Variants in BNIP3L observed in about 807,000 individuals in gnomAD.
BNIP3L encodes the protein BCL2 interacting protein 3 like.
In BNIP3L, 10 loss-of-function variants were observed where a neutral mutation model predicts 25.5. That is an observed-to-expected ratio of 0.39 (90% confidence interval 0.24 to 0.67). BNIP3L has a LOEUF of 0.67. Among genes scored for constraint, BNIP3L ranks in the 30% least tolerant of loss-of-function variants. The pLI is 0.45. For synonymous variants in BNIP3L, 113 were observed against 101.2 expected (o/e 1.12, Z -0.70); for missense variants, 215 against 270.9 (o/e 0.79, Z 1.45).
intron 2 of BNIP3L, among the ~76,000 whole-genome samples, chr8:26,392,121 T>TATGTGTGTGGAA (rs1216676905): frequency 6.6e-6 from 1 of 152,004 alleles, no homozygotes; most frequent in African/African-American, 2.4e-5. Context: ...TACAACGAGA[T>TATGTGTGTGGAA]ATGTGTGTGG....
Position 26,412,932 on chromosome 8 carries a change from G to A in BNIP3L, c.*2520G>A, listed in dbSNP as rs1433804001. The A allele has an allele frequency of 6.6e-6, 1 of 152,624 alleles. No individual in the cohort carries two copies. Among genetic ancestry groups the A allele is most frequent in the Non-Finnish European group, 1.5e-5 (1 of 68,038 alleles). 9.5% of individuals were successfully genotyped at this position (152,624 alleles called of 1,614,324 possible). A position where few individuals can be genotyped will look rare whatever the true frequency, so the allele number is the denominator to read the frequency against. On this transcript the variant is annotated 3_prime_UTR_variant, in exon 6 of 6. Transcript: ENST00000380629. ...AAAATATTTACTATTCTAAAAAAAT[G>A]AGAATTGAAGACTTAGCCAGTCAGA...
chr8:26,401,651 G>T (rs1806385840), intron 3 of BNIP3L, among the ~76,000 whole-genome samples: 1 of 149,120 alleles, frequency 6.7e-6, no homozygotes. Flanking sequence ...GATGAAGGTT[G>T]TATTAGAACT....
Position 26,402,457 on chromosome 8 carries a change from C to T in BNIP3L, c.358-5543C>T, listed in dbSNP as rs558312757. On this transcript the variant is annotated intron_variant, in intron 3 of 5. Coordinates refer to ENST00000380629, the MANE Select transcript of BNIP3L (RefSeq NM_004331.3). ...CTTTCCTGAGGAGGATTTCTTCAAT[C>T]TATATCACCTTTTATACAGAAAGCT... Among the ~76,000 whole-genome samples, 132 of 152,186 alleles carry T rather than the reference C, an allele frequency of 8.7e-4. 1 individual carries two copies. The highest frequency in any genetic ancestry group is 2.5e-4 in the Non-Finnish European group (17 of 68,038).
At chr8:26,400,091 G>C (rs988072836) in intron 3 of BNIP3L, among the ~76,000 whole-genome samples, 6 of 150,098 alleles carry the variant, frequency 4.0e-5, no homozygotes, top group African/African-American at 1.5e-4. Flanking sequence ...AACCAAAAAA[G>C]AGCCTGCATC....
chr8:26,398,893 AAT>A (rs1261754354), intron 3 of BNIP3L, among the ~76,000 whole-genome samples: 1 of 151,346 alleles, frequency 6.6e-6, no homozygotes, highest in African/African-American at 2.4e-5. Context: ...TGAATAGACC[AAT>A]AACAGGAGCT....
chr8:26,401,090 C>G (rs1288556088), intron 3 of BNIP3L, among the ~76,000 whole-genome samples: 1 of 139,238 alleles, frequency 7.2e-6, no homozygotes, highest in South Asian at 2.4e-4. Context: ...GACTATAAAT[C>G]ATGCTGCTAT....
At chr8:26,389,170 T>G (rs1806054128) in intron 1 of BNIP3L, among the ~76,000 whole-genome samples, 1 of 152,186 alleles carries the variant, frequency 6.6e-6, no homozygotes, top group Admixed American at 6.5e-5. Flanking sequence ...GGGTTTTGGT[T>G]TGTTACTATT....
In BNIP3L at chr8:26,398,722, G is replaced by A. The variant is rs1290871477; in HGVS notation, c.357+3420G>A. On this transcript the variant is annotated intron_variant, in intron 3 of 5. Coordinates refer to ENST00000380629, the MANE Select transcript of BNIP3L (RefSeq NM_004331.3). ...AAAGGATCAACAAAATTGATAGACCGCTAGCAAGACTAATAAAGAAAAAAA... is the reference window on the plus strand; with the variant it reads ...AAAGGATCAACAAAATTGATAGACCACTAGCAAGACTAATAAAGAAAAAAA... Among the ~76,000 whole-genome samples, 184 of 132,322 alleles carry A rather than the reference G, an allele frequency of 1.4e-3. 1 individual carries two copies. The highest frequency in any genetic ancestry group is 9.7e-3 in the Admixed American group (129 of 13,314). 86.8% of individuals were successfully genotyped at this position (132,322 alleles called of 152,430 possible). A position where few individuals can be genotyped will look rare whatever the true frequency, so the allele number is the denominator to read the frequency against.
chr8:26,384,633 A>G (rs186622377), intron 1 of BNIP3L, among the ~76,000 whole-genome samples: 8 of 152,156 alleles, frequency 5.3e-5, no homozygotes, highest in Admixed American at 4.6e-4. Context: ...GTAGAGAAAC[A>G]GGTCTAGAGT....
intron 1 of BNIP3L, among the ~76,000 whole-genome samples, chr8:26,383,950 C>T (rs937425324): frequency 6.6e-6 from 1 of 151,500 alleles, no homozygotes; most frequent in Non-Finnish European, 1.5e-5. Context: ...TGAGAGCAGC[C>T]TCCTGAACCA....
At chr8:26,400,287 C>T (rs994808894) in intron 3 of BNIP3L, among the ~76,000 whole-genome samples, 4 of 149,988 alleles carry the variant, frequency 2.7e-5, no homozygotes, top group African/African-American at 9.9e-5. Context: ...TGATCTTTGA[C>T]AAACCTGAGA....
chr8:26,391,578 T>C (rs776688718), intron 2 of BNIP3L, 152 bp downstream of exon 2: 94 of 572,048 alleles, frequency 1.6e-4, no homozygotes, highest in South Asian at 4.0e-4. Context: ...AGATATATAT[T>C]GTGTTTATAT....
In BNIP3L at chr8:26,395,180, A is replaced by G. The variant is rs1316898380; in HGVS notation, c.285-50A>G. ...TCTAATTTCTAGTAGAGACTAAGTCATTTGACAAAGTGAGAATTAAAACTA... is the reference window on the plus strand; with the variant it reads ...TCTAATTTCTAGTAGAGACTAAGTCGTTTGACAAAGTGAGAATTAAAACTA... On this transcript the variant is annotated intron_variant, in intron 2 of 5. Transcript: ENST00000380629. 3 of 1,588,224 alleles carry G rather than the reference A, an allele frequency of 1.9e-6. No individual in the cohort carries two copies. In the South Asian group the frequency reaches 3.4e-5, roughly 18 times the overall value.
chr8:26,395,386 A>T, intron 3 of BNIP3L, 84 bp downstream of exon 3: 1 of 1,393,248 alleles, frequency 7.2e-7, no homozygotes, highest in African/African-American at 1.4e-5. Context: ...ATAAATGTGA[A>T]GACTTTTAGG....
chr8:26,407,052 G>T (rs917193400), intron 3 of BNIP3L, among the ~76,000 whole-genome samples: 6 of 151,066 alleles, frequency 4.0e-5, no homozygotes, highest in African/African-American at 1.5e-4. Flanking sequence ...GAGTGTAGTG[G>T]CTGGATCTCG....
intron 3 of BNIP3L, among the ~76,000 whole-genome samples, chr8:26,396,807 G>T (rs1313420569): frequency 7.4e-6 from 1 of 134,956 alleles, no homozygotes; most frequent in African/African-American, 2.8e-5. Flanking sequence ...ACCAAGGCTC[G>T]AGAACTACGT....
chr8:26,395,399 T>G, intron 3 of BNIP3L, 97 bp downstream of exon 3: 3 of 1,279,762 alleles, frequency 2.3e-6, no homozygotes, highest in Non-Finnish European at 3.3e-6. Flanking sequence ...CTTTTAGGAA[T>G]AGTTTGAAGC....
At chr8:26,409,599 G>T (rs934142051) in intron 5 of BNIP3L, among the ~76,000 whole-genome samples, 10 of 152,172 alleles carry the variant, frequency 6.6e-5, no homozygotes, top group African/African-American at 2.4e-4. Context: ...TTGATGTGGG[G>T]CAGGTGTAGG....
At chr8:26,405,544 C>G (rs573319304) in intron 3 of BNIP3L, among the ~76,000 whole-genome samples, 63 of 152,264 alleles carry the variant, frequency 4.1e-4, no homozygotes, top group Non-Finnish European at 6.9e-4. Context: ...GTCTGAAGCT[C>G]CTTCCTGGGG....
Sources: gnomAD v4.1 joint callset for allele counts (sites outside exome capture counted in the v4.1 genomes callset) on GRCh38, gnomAD v4.1.1 for gene constraint, MANE v1.5 for transcripts, NCBI Gene and HGNC (gene_info 2026-07-23, HGNC 2026-07-21) for gene names.